Variants in DMD observed in about 807,000 individuals in gnomAD.
DMD encodes the protein dystrophin, also known as mutant dystrophin.
In DMD, 63 loss-of-function variants were observed where a neutral mutation model predicts 330.1. The ratio of observed to expected loss-of-function variants is 0.19; its 90% CI spans 0.16 to 0.24. DMD has a LOEUF of 0.24. Among genes scored for constraint, DMD ranks in the 10% least tolerant of loss-of-function variants. The pLI is 1.00. For missense variants in DMD, 3,344 were observed against 2,684.1 expected, an observed-to-expected ratio of 1.25 and a Z score of -5.43; for synonymous variants, 1,223 against 959.8, an observed-to-expected ratio of 1.27 and a Z score of -5.07.
intron 44 of DMD, among the ~76,000 whole-genome samples, chrX:32,016,852 G>A (rs953567071): frequency 9.8e-5 from 11 of 112,759 alleles, no homozygotes; most frequent in African/African-American, 3.5e-4. Context: ...AAAATGGGCT[G>A]TTAAACACAG....
At chrX:33,192,144 G>T (rs1192549735) in intron 1 of DMD, among the ~76,000 whole-genome samples, 2 of 111,875 alleles carry the variant, frequency 1.8e-5, no homozygotes, top group African/African-American at 3.2e-5. Flanking sequence ...CAAAATACTC[G>T]TGTTGGAACT....
chrX:31,295,278 A>C (rs2054090056), intron 62 of DMD, among the ~76,000 whole-genome samples: 1 of 110,925 alleles, frequency 9.0e-6, no homozygotes, highest in Admixed American at 9.6e-5. Context: ...TACAGGTGTG[A>C]GCCACCGCGC....
At position 32,925,377 on chromosome X, in the gene DMD, C is replaced by T. The variant is rs764191890; in HGVS notation, c.94-75557G>A. On this transcript the variant is annotated intron_variant, in intron 2 of 78. Coordinates refer to ENST00000357033, the MANE Select transcript of DMD (RefSeq NM_004006.3). Reference sequence around the variant, plus strand: ...TTGAGTCTTTTCATTCTGATAGTATCCTCCAAGGAACTTTAAAGAATAGAA... The same window carrying T: ...TTGAGTCTTTTCATTCTGATAGTATTCTCCAAGGAACTTTAAAGAATAGAA... Among the ~76,000 whole-genome samples, 19 of 109,765 alleles carry T rather than the reference C, an allele frequency of 1.7e-4. No homozygotes were observed. The East Asian group carries it at 4.0e-3, about 23-fold the overall frequency.
At chrX:31,129,930 C>T (rs767970699) in intron 77 of DMD, among the ~76,000 whole-genome samples, 11 of 111,319 alleles carry the variant, frequency 9.9e-5, no homozygotes, top group Non-Finnish European at 1.7e-4. Context: ...ATAGAATGTA[C>T]GCGGGCTTAT....
chrX:32,195,849 G>T (rs886885040), intron 44 of DMD, among the ~76,000 whole-genome samples: 1 of 111,369 alleles, frequency 9.0e-6, no homozygotes, highest in Non-Finnish European at 1.9e-5. Flanking sequence ...AGTTTGTCTC[G>T]TGTGGTCCTG....
chrX:32,422,087 G>T (rs1332778312), intron 29 of DMD, among the ~76,000 whole-genome samples: 1 of 111,230 alleles, frequency 9.0e-6, no homozygotes, highest in Non-Finnish European at 1.9e-5. Flanking sequence ...TGAGGAATTG[G>T]AAAGGAGCTT....
intron 2 of DMD, among the ~76,000 whole-genome samples, chrX:32,899,504 T>C (rs1443235332): frequency 9.2e-6 from 1 of 108,679 alleles, no homozygotes; most frequent in African/African-American, 3.3e-5. Context: ...TGAAACCCCG[T>C]CGCTACTAAA....
intron 19 of DMD, among the ~76,000 whole-genome samples, chrX:32,492,403 AT>A (rs1047896960): frequency 8.9e-6 from 1 of 112,722 alleles, no homozygotes; most frequent in Non-Finnish European, 1.9e-5. Flanking sequence ...AATGTGAAAC[AT>A]TTTTAAATTT....
At chrX:32,988,744 G>C (rs1335568456) in intron 2 of DMD, among the ~76,000 whole-genome samples, 1 of 111,841 alleles carries the variant, frequency 8.9e-6, no homozygotes, top group Non-Finnish European at 1.9e-5. Flanking sequence ...ATTGTGTAAA[G>C]GGAAGCAAAT....
chrX:33,319,031 A>G (rs1232434275), intron 1 of DMD, among the ~76,000 whole-genome samples: 1 of 109,424 alleles, frequency 9.1e-6, no homozygotes, highest in Non-Finnish European at 1.9e-5. Flanking sequence ...TGGGATTAGT[A>G]CCCTTATAAA....
chrX:31,379,944 C>A (rs2060078038), intron 60 of DMD, among the ~76,000 whole-genome samples: 3 of 111,820 alleles, frequency 2.7e-5, no homozygotes, highest in South Asian at 7.7e-4. Flanking sequence ...CTGACTCCTT[C>A]CCAGATCTTC....
chrX:31,807,999 A>T (rs759906293), intron 50 of DMD, among the ~76,000 whole-genome samples: 1 of 111,778 alleles, frequency 8.9e-6, no homozygotes, highest in South Asian at 3.8e-4. Context: ...TGTAGTACCT[A>T]TTTCATAAGG....
chrX:32,358,773 T>C (rs929162906), intron 37 of DMD, among the ~76,000 whole-genome samples: 1 of 111,395 alleles, frequency 9.0e-6, no homozygotes, highest in Admixed American at 9.6e-5. Context: ...CTTTCATTTT[T>C]TTCCATCAGT....
chrX:31,445,804 C>A (rs775874476), intron 59 of DMD, among the ~76,000 whole-genome samples: 2 of 111,726 alleles, frequency 1.8e-5, no homozygotes, highest in Non-Finnish European at 3.8e-5. Flanking sequence ...GAGGATATTA[C>A]CACGCCTCAT....
chrX:31,431,485 C>T (rs1394326851), intron 60 of DMD, among the ~76,000 whole-genome samples: 1 of 111,592 alleles, frequency 9.0e-6, no homozygotes, highest in Non-Finnish European at 1.9e-5. Context: ...GCAACCTCCG[C>T]CTCCTGGGTT....
intron 11 of DMD, among the ~76,000 whole-genome samples, chrX:32,623,904 A>C (rs751662265): frequency 1.3e-3 from 149 of 112,047 alleles, no homozygotes; most frequent in African/African-American, 4.6e-3. Flanking sequence ...TAGAAATCAC[A>C]AACCCTGTGT....
At chrX:32,458,352 A>G (rs776043058) in intron 25 of DMD, among the ~76,000 whole-genome samples, 2 of 111,846 alleles carry the variant, frequency 1.8e-5, no homozygotes, top group South Asian at 3.7e-4. Context: ...TTAAAGCTAC[A>G]TAATATTCCG....
chrX:31,991,989 C>T (rs890858002), intron 44 of DMD, among the ~76,000 whole-genome samples: 3 of 111,239 alleles, frequency 2.7e-5, no homozygotes, highest in Non-Finnish European at 5.7e-5. Flanking sequence ...CTAAGAAAAC[C>T]GATGCATGAT....
At chrX:31,679,833 T>C in intron 52 of DMD, among the ~76,000 whole-genome samples, 1 of 112,242 alleles carries the variant, frequency 8.9e-6, no homozygotes, top group Middle Eastern at 4.6e-3. Flanking sequence ...AACTCAATTC[T>C]TGATCCCTAG....
Sources: gnomAD v4.1 joint callset for allele counts (sites outside exome capture counted in the v4.1 genomes callset) on GRCh38, gnomAD v4.1.1 for gene constraint, MANE v1.5 for transcripts, NCBI Gene and HGNC (gene_info 2026-07-23, HGNC 2026-07-21) for gene names.